TTBK2: variants seen among roughly 807,000 people sequenced by gnomAD.
TTBK2 encodes the protein tau-tubulin kinase 2.
Under a neutral mutation model 110.8 loss-of-function variants are expected in TTBK2, and 28 were observed. That is an observed-to-expected ratio of 0.25 (90% CI 0.19 to 0.35). The LOEUF is 0.35. Among genes scored for constraint, TTBK2 ranks in the 10% least tolerant of loss-of-function variants. TTBK2 has a pLI of 1.00. For missense variants in TTBK2, 1,369 were observed against 1,500.3 expected, an observed-to-expected ratio of 0.91 and a Z score of 1.45; for synonymous variants, 532 against 527.3, an observed-to-expected ratio of 1.01 and a Z score of -0.12.
At position 42,920,585 on chromosome 15, in the gene TTBK2, C is replaced by G. The variant is rs996608081; in HGVS notation, c.-215G>C. The G allele has an allele frequency of 6.5e-6, 1 of 153,724 alleles. No individual in the cohort carries two copies. 9.5% of individuals were successfully genotyped at this position (153,724 alleles called of 1,614,324 possible). A position where few individuals can be genotyped will look rare whatever the true frequency, so the allele number is the denominator to read the frequency against. ...CTGCGGCGGGACCCGAGCGCGGCTT[C>G]CAGGGCCGGCCGGCTGGGTAGTCCC... On this transcript the variant is annotated 5_prime_UTR_variant, in exon 1 of 15. Transcript: ENST00000267890.
At chr15:42,899,424 C>G (rs999982340) in intron 1 of TTBK2, among the ~76,000 whole-genome samples, 6 of 149,554 alleles carry the variant, frequency 4.0e-5, no homozygotes, top group African/African-American at 1.5e-4. Context: ...GGTGAAACCC[C>G]ATCTCAACTA....
chr15:42,801,795 G>C (rs774806726), intron 9 of TTBK2: 6 of 821,980 alleles, frequency 7.3e-6, no homozygotes, highest in Non-Finnish European at 1.1e-5. Context: ...GCTCCATCTT[G>C]TTCATGTAAG....
chr15:42,883,389 A>T (rs1404011864), intron 1 of TTBK2, among the ~76,000 whole-genome samples: 45 of 151,858 alleles, frequency 3.0e-4, no homozygotes, highest in Admixed American at 3.0e-3. Context: ...AAAAAAAAAA[A>T]AAAAAAAGTA....
chr15:42,775,340 A>G lies in TTBK2; in HGVS notation c.1793T>C (p.Leu598Pro). The change falls in exon 13 of 15, where the codon CTC becomes CCC. Residue 598 changes from leucine (L) to proline (P), a missense_variant. Transcript: ENST00000267890. ...ATTTTCTGCCCAAGGACCTAACTGG[A>G]GCTTTTCATCTTGAGGTGATGCCTC... Reference protein sequence around the residue: ...VLEASPQDEKLQLGPWAENDH... With the variant: ...VLEASPQDEKPQLGPWAENDH... 10 of 1,614,182 alleles carry G rather than the reference A, an allele frequency of 6.2e-6. No homozygotes were observed. Among genetic ancestry groups the G allele is most frequent in the Non-Finnish European group, 8.5e-6 (10 of 1,180,036 alleles).
intron 1 of TTBK2, among the ~76,000 whole-genome samples, chr15:42,905,517 A>G (rs939489666): frequency 6.6e-6 from 1 of 152,210 alleles, no homozygotes; most frequent in Non-Finnish European, 1.5e-5. Flanking sequence ...TCGGCTTCCC[A>G]AAGTGCTGGG....
At chr15:42,901,635 T>C (rs2030021251) in intron 1 of TTBK2, among the ~76,000 whole-genome samples, 3 of 151,098 alleles carry the variant, frequency 2.0e-5, no homozygotes, top group Admixed American at 2.0e-4. Context: ...AAAAAAGAAT[T>C]TAATTAAAAA....
intron 11 of TTBK2, among the ~76,000 whole-genome samples, chr15:42,777,525 A>T (rs1889986529): frequency 6.6e-6 from 1 of 152,210 alleles, no homozygotes; most frequent in African/African-American, 2.4e-5. Flanking sequence ...TTTTTGAATT[A>T]TGTCTGACAT....
intron 14 of TTBK2, among the ~76,000 whole-genome samples, chr15:42,748,968 T>C (rs903695951): frequency 1.3e-5 from 2 of 152,220 alleles, no homozygotes; most frequent in Admixed American, 6.5e-5. Context: ...TATCAAATCA[T>C]GGACAACGTA....
At chr15:42,754,250 T>G (rs553944255) in intron 13 of TTBK2, among the ~76,000 whole-genome samples, 1 of 151,690 alleles carries the variant, frequency 6.6e-6, no homozygotes, top group African/African-American at 2.4e-5. Context: ...ATCTGGCTAA[T>G]TTTTGCATTT....
intron 12 of TTBK2, among the ~76,000 whole-genome samples, chr15:42,776,488 T>C (rs755675596): frequency 6.6e-6 from 1 of 152,236 alleles, no homozygotes; most frequent in Non-Finnish European, 1.5e-5. Flanking sequence ...AGTTTCACCT[T>C]CCTTTCTCTC....
At position 42,753,733 on chromosome 15, in the gene TTBK2, C is replaced by T. The variant is rs117732664; in HGVS notation, c.1999-486G>A. Among the ~76,000 whole-genome samples the T allele has an allele frequency of 7.9e-4, 121 of 152,288 alleles. 3 individuals carry two copies. In the East Asian group the frequency reaches 0.022, roughly 27 times the overall value. ...TGGCCTCTCTCTCAGCTACTACCCT[C>T]GCCAAGTTCTGCGAACACCCACTTC... On this transcript the variant is annotated intron_variant, in intron 13 of 14. Coordinates refer to ENST00000267890, the MANE Select transcript of TTBK2 (RefSeq NM_173500.4).
chr15:42,867,760 G>A (rs1166071129), intron 3 of TTBK2, among the ~76,000 whole-genome samples: 1 of 152,138 alleles, frequency 6.6e-6, no homozygotes, highest in African/African-American at 2.4e-5. Context: ...CAGCCACTTT[G>A]GAAGAAAATT....
intron 6 of TTBK2, among the ~76,000 whole-genome samples, chr15:42,823,103 T>C (rs1892378071): frequency 6.6e-6 from 1 of 152,200 alleles, no homozygotes; most frequent in Non-Finnish European, 1.5e-5. Flanking sequence ...AAAAAGACTT[T>C]AAACATTTTT....
intron 9 of TTBK2, among the ~76,000 whole-genome samples, chr15:42,804,311 G>A (rs1307378493): frequency 1.3e-5 from 2 of 151,970 alleles, no homozygotes; most frequent in African/African-American, 4.8e-5. Context: ...GGGCGTGGTA[G>A]CACATGCCTG....
intron 9 of TTBK2, among the ~76,000 whole-genome samples, chr15:42,796,373 C>T (rs1890940438): frequency 6.6e-6 from 1 of 152,000 alleles, no homozygotes; most frequent in South Asian, 2.1e-4. Context: ...GCACTCCAGC[C>T]TGGGTGACAG....
At chr15:42,880,928 A>AT (rs1440953908) in intron 1 of TTBK2, among the ~76,000 whole-genome samples, 2 of 152,176 alleles carry the variant, frequency 1.3e-5, no homozygotes, top group African/African-American at 4.8e-5. Context: ...AAATTAAAAA[A>AT]AAAATAAAAT....
At chr15:42,820,767 A>G (rs758563781) in intron 6 of TTBK2, among the ~76,000 whole-genome samples, 10 of 152,088 alleles carry the variant, frequency 6.6e-5, no homozygotes, top group Non-Finnish European at 1.5e-4. Context: ...TGGGGAGTGT[A>G]AGGCAGGAGG....
rs71431870 is a variant in TTBK2, at chr15:42,816,085, A to AATATATATATATATATAT, written c.603+929_603+946dup. Among the ~76,000 whole-genome samples the AATATATATATATATATAT allele has an allele frequency of 2.4e-4, 16 of 67,442 alleles. 1 individual carries two copies. The highest frequency in any genetic ancestry group is 5.6e-4 in the East Asian group (1 of 1,770). 44.2% of individuals were successfully genotyped at this position (67,442 alleles called of 152,430 possible). ...ATATATATATAAAAATAAATAAATAAATATATATATATATATATATATATA... is the reference window on the plus strand; with the variant it reads ...ATATATATATAAAAATAAATAAATAAATATATATATATATATATATATATATATATATATATATATATA... On this transcript the variant is annotated intron_variant, in intron 7 of 14. Transcript: ENST00000267890.
chr15:42,862,678 C>T (rs1000002157), intron 3 of TTBK2, among the ~76,000 whole-genome samples: 3 of 152,020 alleles, frequency 2.0e-5, no homozygotes, highest in Admixed American at 6.6e-5. Flanking sequence ...GACCTGAAGT[C>T]GGGAGTTCCA....
Sources: allele counts gnomAD v4.1 joint callset (sites outside exome capture counted in the v4.1 genomes callset), GRCh38; gene constraint gnomAD v4.1.1; transcripts MANE v1.5; gene names NCBI Gene and HGNC (gene_info 2026-07-23, HGNC 2026-07-21).